ARID1B: variants seen among roughly 807,000 people sequenced by gnomAD.
ARID1B encodes AT-rich interactive domain-containing protein 1B.
Under a neutral mutation model 212.3 loss-of-function variants are expected in ARID1B, and 30 were observed. The ratio of observed to expected loss-of-function variants is 0.14; its 90% CI spans 0.11 to 0.19. The LOEUF (loss-of-function observed/expected upper bound fraction) is 0.19, where lower values mean the gene tolerates loss of function less well. Among genes scored for constraint, ARID1B ranks in the 10% least tolerant of loss-of-function variants. The probability of loss-of-function intolerance (pLI) is 1.00; values close to 1 mark genes in which losing one functional copy is unlikely to be tolerated. For synonymous variants in ARID1B, 1,402 were observed against 1,301.7 expected, an observed-to-expected ratio of 1.08 and a Z score of -1.66; for missense variants, 2,891 against 3,204.0, an observed-to-expected ratio of 0.90 and a Z score of 2.36.
intron 2 of ARID1B, among the ~76,000 whole-genome samples, chr6:156,885,875 G>A (rs1360811563): frequency 6.6e-6 from 1 of 152,160 alleles, no homozygotes; most frequent in East Asian, 1.9e-4. Context: ...CAGTGTCTGT[G>A]TTGGTAGAAA....
At chr6:157,163,301 G>A (rs1791070550) in intron 8 of ARID1B, among the ~76,000 whole-genome samples, 1 of 152,092 alleles carries the variant, frequency 6.6e-6, no homozygotes, top group East Asian at 1.9e-4. Context: ...TTTTTGTTGT[G>A]AGCCACAGAC....
At chr6:156,794,128 G>A (rs1378195960) in intron 1 of ARID1B, among the ~76,000 whole-genome samples, 1 of 152,156 alleles carries the variant, frequency 6.6e-6, no homozygotes, top group Non-Finnish European at 1.5e-5. Flanking sequence ...TCAGGCTCTG[G>A]AGTGGCCTGG....
chr6:156,779,612 G>A, intron 1 of ARID1B, 141 bp downstream of exon 1: 1 of 912,078 alleles, frequency 1.1e-6, no homozygotes, highest in Non-Finnish European at 1.4e-6. Context: ...ATCTTGACGG[G>A]CGGCCGCCTC....
At position 157,176,599 on chromosome 6, in the gene ARID1B, A is replaced by G. The variant is rs989806914; in HGVS notation, c.3504+1594A>G. On this transcript the variant is annotated intron_variant, in intron 11 of 19. Coordinates refer to ENST00000636930, the MANE Select transcript of ARID1B (RefSeq NM_001374828.1). Reference sequence around the variant, plus strand: ...GGTGGCTCACGCCTATAATCCCAGCACTTTGGGAGGACGAGGCGAGTGGAT... The same window carrying G: ...GGTGGCTCACGCCTATAATCCCAGCGCTTTGGGAGGACGAGGCGAGTGGAT... Among the ~76,000 whole-genome samples the G allele has an allele frequency of 7.9e-5, 12 of 152,338 alleles. No individual in the cohort carries two copies. The South Asian group carries it at 8.3e-4, about 11-fold the overall frequency.
chr6:156,852,014 C>T (rs998514200), intron 2 of ARID1B, among the ~76,000 whole-genome samples: 1 of 152,150 alleles, frequency 6.6e-6, no homozygotes, highest in Non-Finnish European at 1.5e-5. Flanking sequence ...ATATTTCCTT[C>T]CTAACTGGGT....
intron 4 of ARID1B, among the ~76,000 whole-genome samples, chr6:156,969,461 G>A (rs1776768262): frequency 1.3e-5 from 2 of 152,142 alleles, no homozygotes; most frequent in South Asian, 2.1e-4. Context: ...AGTGCAGTCT[G>A]GGTTCAGAAC....
At chr6:157,170,010 G>A (rs1262186140) in intron 9 of ARID1B, 1 of 152,238 alleles carries the variant, frequency 6.6e-6, no homozygotes, top group African/African-American at 2.4e-5. Flanking sequence ...GAAGAAAAAG[G>A]CAATCACACT....
At chr6:156,915,234 C>T (rs1790251427) in intron 3 of ARID1B, among the ~76,000 whole-genome samples, 1 of 152,154 alleles carries the variant, frequency 6.6e-6, no homozygotes, top group South Asian at 2.1e-4. Context: ...TGTGAGCAAA[C>T]AGGCTTTCTT....
chr6:157,206,233 C>T lies in ARID1B; in HGVS notation c.5461C>T (p.Leu1821Phe), dbSNP rs1794433211. Residue 1821 changes from leucine (L) to phenylalanine (F), a missense_variant, in exon 20 of 20, where the codon CTT becomes TTT. Around this residue, in one of 7 missense-constraint regions of ARID1B, gnomAD observed 332 missense variants for 369.2 expected, o/e 0.90. Coordinates refer to ENST00000636930, the MANE Select transcript of ARID1B (RefSeq NM_001374828.1). The surrounding 1 kb of genome is among the most constrained non-coding windows in gnomAD (Gnocchi z 6.8). ...ATGCCTGATTGACATTTTTGGAATT[C>T]TTATGGAATATGAAGTGGGAGACCC... is the stretch of plus-strand genomic sequence containing the variant. ...RKCLIDIFGILMEYEVGDPSQ... is the reference protein window; with the variant it reads ...RKCLIDIFGIFMEYEVGDPSQ... 4 of 1,614,144 alleles carry T rather than the reference C, an allele frequency of 2.5e-6. No homozygotes were observed. The East Asian group carries it at 8.9e-5, about 36-fold the overall frequency.
intron 18 of ARID1B, among the ~76,000 whole-genome samples, chr6:157,202,596 AG>A (rs1233491595): frequency 1.3e-5 from 2 of 151,958 alleles, no homozygotes; most frequent in African/African-American, 2.4e-5. Context: ...CTGAGGTAGG[AG>A]GATCACTTGA....
intron 4 of ARID1B, among the ~76,000 whole-genome samples, chr6:157,017,898 G>T (rs186090440): frequency 1.2e-4 from 17 of 145,140 alleles, no homozygotes; most frequent in Non-Finnish European, 1.6e-4. Flanking sequence ...AGCTGAGGCA[G>T]ACAGAAGGAT....
intron 3 of ARID1B, among the ~76,000 whole-genome samples, chr6:156,922,425 G>A (rs756527627): frequency 6.6e-6 from 1 of 152,062 alleles, no homozygotes; most frequent in Non-Finnish European, 1.5e-5. Flanking sequence ...CGCCCGCCTC[G>A]GCCTCCCAAG....
At chr6:157,170,379 G>C (rs1173621054) in intron 9 of ARID1B, 2 of 152,208 alleles carry the variant, frequency 1.3e-5, no homozygotes, top group East Asian at 3.8e-4. Context: ...TCTCACAAAG[G>C]AAGGTTTGGG....
In ARID1B at chr6:157,102,316, C is replaced by T. The variant is rs138884099; in HGVS notation, c.2492-8156C>T. Among the ~76,000 whole-genome samples the T allele has an allele frequency of 1.1e-3, 163 of 152,162 alleles. 1 individual carries two copies. Among genetic ancestry groups the T allele is most frequent in the Non-Finnish European group, 1.7e-3 (113 of 68,008 alleles). ...CTGATTTGTTGGTTTGTTTCTGATC[C>T]GAAAGAGTTGGAAAAATAAAACTAC... On this transcript the variant is annotated intron_variant, in intron 5 of 19. Transcript: ENST00000636930.
chr6:156,819,140 T>G (rs1203511708), intron 1 of ARID1B, among the ~76,000 whole-genome samples: 1 of 152,188 alleles, frequency 6.6e-6, no homozygotes, highest in Non-Finnish European at 1.5e-5. Context: ...TCACAAAAGC[T>G]TCTTTCTCAA....
intron 6 of ARID1B, among the ~76,000 whole-genome samples, chr6:157,127,783 CAAAAAAAAAAAA>C (rs61172896): frequency 1.8e-5 from 1 of 56,792 alleles, no homozygotes; most frequent in East Asian, 6.3e-4. Context: ...GACTCTGTCT[CAAAAAAAAAAAA>C]AAAAAAAAAA....
At chr6:157,196,375 A>G in intron 16 of ARID1B, 60 bp downstream of exon 16, 1 of 1,551,774 alleles carries the variant, frequency 6.4e-7, no homozygotes, top group Non-Finnish European at 8.7e-7. Flanking sequence ...TTCCTCACAC[A>G]CACATTTCTG....
At chr6:156,830,928 G>A (rs1050953130) in intron 2 of ARID1B, among the ~76,000 whole-genome samples, 1 of 152,114 alleles carries the variant, frequency 6.6e-6, no homozygotes, top group African/African-American at 2.4e-5. Flanking sequence ...AACACCCTTT[G>A]CTGTTGTCAG....
At chr6:157,143,935 C>T (rs1463499711) in intron 7 of ARID1B, among the ~76,000 whole-genome samples, 1 of 152,146 alleles carries the variant, frequency 6.6e-6, no homozygotes, top group African/African-American at 2.4e-5. Context: ...GATTGGCACC[C>T]CTGGCCTAAG....
Sources: allele counts gnomAD v4.1 joint callset (sites outside exome capture counted in the v4.1 genomes callset), GRCh38; gene constraint gnomAD v4.1.1; regional missense constraint gnomAD v4.1.1; non-coding constraint Gnocchi (gnomAD v3.1); transcripts MANE v1.5; gene names NCBI Gene and HGNC (gene_info 2026-07-23, HGNC 2026-07-21).